Variants in KCNQ5 observed in about 807,000 individuals in gnomAD.
The protein encoded by KCNQ5 is potassium voltage-gated channel subfamily Q member 5.
A neutral mutation model predicts 98.2 loss-of-function variants in KCNQ5; 30 were observed. That is an observed-to-expected ratio of 0.31 (90% CI 0.23 to 0.41). KCNQ5 has a LOEUF of 0.41. Among genes scored for constraint, KCNQ5 ranks in the 10% least tolerant of loss-of-function variants. The pLI, the probability that KCNQ5 is intolerant of heterozygous loss-of-function variation, is 1.00. For synonymous variants in KCNQ5, 458 were observed against 449.4 expected (o/e 1.02, Z -0.24); for missense variants, 835 against 1,182.5 (o/e 0.71, Z 4.31).
intron 1 of KCNQ5, among the ~76,000 whole-genome samples, chr6:72,754,092 C>A (rs1006577806): frequency 5.3e-5 from 8 of 151,992 alleles, no homozygotes; most frequent in Non-Finnish European, 1.0e-4. Context: ...AGCATTCTTG[C>A]CATATTCCTG....
intron 1 of KCNQ5, among the ~76,000 whole-genome samples, chr6:72,768,920 T>C (rs1772713976): frequency 6.6e-6 from 1 of 152,094 alleles, no homozygotes; most frequent in Non-Finnish European, 1.5e-5. Flanking sequence ...ACTTCACAAT[T>C]GGAGCTATCT....
chr6:72,685,625 T>C (rs949732096), intron 1 of KCNQ5, among the ~76,000 whole-genome samples: 1 of 152,244 alleles, frequency 6.6e-6, no homozygotes, highest in Non-Finnish European at 1.5e-5. Flanking sequence ...CTGTATATTA[T>C]GCCTTAGCAG....
intron 1 of KCNQ5, among the ~76,000 whole-genome samples, chr6:72,828,044 T>A (rs968728822): frequency 6.6e-6 from 1 of 152,156 alleles, no homozygotes; most frequent in African/African-American, 2.4e-5. Flanking sequence ...GCTGTAGATA[T>A]GTGAATTAAT....
chr6:73,137,912 G>A (rs550600493), intron 10 of KCNQ5, among the ~76,000 whole-genome samples: 26 of 151,008 alleles, frequency 1.7e-4, no homozygotes, highest in Non-Finnish European at 3.4e-4. Context: ...TCTTCTTGCC[G>A]CTGCTCTTCC....
At chr6:72,657,920 A>T (rs1379002519) in intron 1 of KCNQ5, among the ~76,000 whole-genome samples, 2 of 152,242 alleles carry the variant, frequency 1.3e-5, no homozygotes, top group Middle Eastern at 3.2e-3. Flanking sequence ...AATCTGATGC[A>T]TTGAGGCCAC....
chr6:72,766,955 A>G (rs1020489646), intron 1 of KCNQ5, among the ~76,000 whole-genome samples: 9 of 152,012 alleles, frequency 5.9e-5, no homozygotes, highest in Non-Finnish European at 1.2e-4. Flanking sequence ...CACCTAGAAA[A>G]TGAAGGTAGG....
intron 13 of KCNQ5, 25 bp downstream of exon 13, chr6:73,192,716 C>G: frequency 1.3e-6 from 2 of 1,512,158 alleles, no homozygotes; most frequent in Non-Finnish European, 1.8e-6. Context: ...CGCTGGGTAT[C>G]TTTTTAGCCA....
intron 1 of KCNQ5, among the ~76,000 whole-genome samples, chr6:72,950,815 A>G (rs1423871011): frequency 6.6e-6 from 1 of 152,244 alleles, no homozygotes; most frequent in South Asian, 2.1e-4. Flanking sequence ...GGAAGGGGGA[A>G]ACCCAAATAT....
intron 2 of KCNQ5, among the ~76,000 whole-genome samples, chr6:73,013,726 C>T (rs1013708219): frequency 1.3e-5 from 2 of 152,126 alleles, no homozygotes; most frequent in Admixed American, 1.3e-4. Context: ...CCCGCTGCCT[C>T]TCATTCTCTT....
At chr6:72,883,814 C>A (rs1778747595) in intron 1 of KCNQ5, among the ~76,000 whole-genome samples, 1 of 152,020 alleles carries the variant, frequency 6.6e-6, no homozygotes, top group African/African-American at 2.4e-5. Context: ...ATAGAGAGAA[C>A]AAAGAATACA....
chr6:73,174,816 T>A (rs1485299710), intron 11 of KCNQ5, among the ~76,000 whole-genome samples: 1 of 152,160 alleles, frequency 6.6e-6, no homozygotes, highest in East Asian at 1.9e-4. Flanking sequence ...GAATAAACAT[T>A]TGCAAAGCAC....
chr6:72,906,961 GTTAT>G (rs943961379), intron 1 of KCNQ5, among the ~76,000 whole-genome samples: 57 of 152,286 alleles, frequency 3.7e-4, no homozygotes, highest in Non-Finnish European at 6.6e-4. Flanking sequence ...TTCTGATTAT[GTTAT>G]TTATTTACTA....
chr6:73,071,588 C>T (rs554401617), intron 3 of KCNQ5, among the ~76,000 whole-genome samples: 101 of 152,308 alleles, frequency 6.6e-4, no homozygotes, highest in African/African-American at 2.3e-3. Flanking sequence ...GAACCTCAGG[C>T]TGCCTCCACT....
intron 2 of KCNQ5, among the ~76,000 whole-genome samples, chr6:73,008,756 G>C (rs1218818858): frequency 6.6e-6 from 1 of 151,930 alleles, no homozygotes. Flanking sequence ...AAACCAACTA[G>C]GACTAACAGA....
At chr6:73,060,493 G>C (rs1377498643) in intron 3 of KCNQ5, among the ~76,000 whole-genome samples, 4 of 151,994 alleles carry the variant, frequency 2.6e-5, no homozygotes, top group Admixed American at 2.6e-4. Flanking sequence ...TTAGAACCTT[G>C]GAATCTGGAA....
At chr6:72,992,125 T>A (rs1582152864) in intron 1 of KCNQ5, among the ~76,000 whole-genome samples, 2 of 202 alleles carry the variant, frequency 9.9e-3, no homozygotes, top group African/African-American at 0.01. Flanking sequence ...CTGAAAAAAA[T>A]GTATATTCTG....
rs531446773 is a variant in KCNQ5 at position 73,178,882 on chromosome 6, A to G, written c.1577+9028A>G. Among the ~76,000 whole-genome samples the G allele has an allele frequency of 1.3e-4, 20 of 152,338 alleles. No homozygotes were observed. In the South Asian group the frequency reaches 1.5e-3, roughly 11 times the overall value. ...TATGTATTAACAAGAAAACAACATT[A>G]AAAAGTATTCTAAATAACTAACACA... On this transcript the variant is annotated intron_variant, in intron 11 of 13. Transcript: ENST00000370398.
At chr6:72,949,825 C>T (rs941091216) in intron 1 of KCNQ5, among the ~76,000 whole-genome samples, 1 of 152,150 alleles carries the variant, frequency 6.6e-6, no homozygotes, top group Non-Finnish European at 1.5e-5. Context: ...TAACATTTCC[C>T]TTGCCCTTTC....
At chr6:72,754,047 G>A (rs1771829061) in intron 1 of KCNQ5, among the ~76,000 whole-genome samples, 1 of 151,978 alleles carries the variant, frequency 6.6e-6, no homozygotes, top group South Asian at 2.1e-4. Context: ...ATGTTGGTTA[G>A]AACCTTCATT....
Sources: allele counts gnomAD v4.1 joint callset (sites outside exome capture counted in the v4.1 genomes callset), GRCh38; gene constraint gnomAD v4.1.1; transcripts MANE v1.5; gene names NCBI Gene and HGNC (gene_info 2026-07-23, HGNC 2026-07-21).